SPRY3: variants seen among roughly 807,000 people sequenced by gnomAD.
SPRY3 encodes sprouty RTK signaling antagonist 3.
Under a neutral mutation model 20.2 loss-of-function variants are expected in SPRY3, and 15 were observed. That is an observed-to-expected ratio of 0.74 (90% CI 0.50 to 1.14). The LOEUF (loss-of-function observed/expected upper bound fraction) is 1.14, where lower values mean the gene tolerates loss of function less well. SPRY3 is among the 50% of genes most tolerant of loss of function. The pLI is 0.00. For synonymous variants in SPRY3, 143 were observed against 136.5 expected, an observed-to-expected ratio of 1.05 and a Z score of -0.33; for missense variants, 364 against 363.9, an observed-to-expected ratio of 1.00 and a Z score of 0.00.
chrX:155,698,337 A>G (rs750532436), intron 2 of SPRY3, among the ~76,000 whole-genome samples: 1 of 111,852 alleles, frequency 8.9e-6, no homozygotes, highest in Non-Finnish European at 1.9e-5. Flanking sequence ...GGCAAACCAC[A>G]TAAAAAATGG....
chrX:155,638,166 A>G (rs2067929492), intron 1 of SPRY3, among the ~76,000 whole-genome samples: 1 of 102,883 alleles, frequency 9.7e-6, no homozygotes, highest in African/African-American at 3.6e-5. Context: ...TATTGAAAAG[A>G]TCACCCAGCT....
downstream of SPRY3, chrX:155,779,314 G>T (rs762380707): frequency 9.0e-5 from 15 of 167,022 alleles, no homozygotes; most frequent in African/African-American, 2.4e-4. Flanking sequence ...TGCTACACTA[G>T]GGTGGTGCTT....
At chrX:155,647,727 T>A (rs2067962455) in intron 1 of SPRY3, among the ~76,000 whole-genome samples, 1 of 112,217 alleles carries the variant, frequency 8.9e-6, no homozygotes, top group African/African-American at 3.2e-5. Context: ...TTGGGTTGGT[T>A]CCAAGTCTTT....
At chrX:155,632,247 G>GCACACACA in intron 1 of SPRY3, among the ~76,000 whole-genome samples, 1 of 40,123 alleles carries the variant, frequency 2.5e-5, no homozygotes, top group South Asian at 1.2e-3. Flanking sequence ...ACACACACAC[G>GCACACACA]CACACACACA....
intron 2 of SPRY3, among the ~76,000 whole-genome samples, chrX:155,698,555 AT>A (rs991586789): frequency 9.0e-6 from 1 of 111,656 alleles, no homozygotes; most frequent in African/African-American, 3.3e-5. Context: ...TAACCAGTAT[AT>A]TTTTTTCATT....
intron 2 of SPRY3, among the ~76,000 whole-genome samples, chrX:155,727,612 C>G (rs1376100389): frequency 6.6e-6 from 1 of 152,038 alleles, no homozygotes; most frequent in Non-Finnish European, 1.5e-5. Flanking sequence ...TTTGTGCATT[C>G]CTCACGAAGT....
intron 3 of SPRY3, among the ~76,000 whole-genome samples, chrX:155,769,771 A>T (rs2091369915): frequency 6.6e-6 from 1 of 152,196 alleles, no homozygotes; most frequent in Non-Finnish European, 1.5e-5. Flanking sequence ...CTAGGGTAGC[A>T]AAGTGACAAG....
At chrX:155,624,560 C>CT (rs76755175) in intron 1 of SPRY3, among the ~76,000 whole-genome samples, 9 of 97,024 alleles carry the variant, frequency 9.3e-5, no homozygotes, top group Non-Finnish European at 1.9e-4. Flanking sequence ...ATCTATCTAT[C>CT]ATCTATCATC....
At chrX:155,779,664 A>G (rs751905594), downstream of SPRY3, 7 of 167,188 alleles carry the variant, frequency 4.2e-5, no homozygotes, top group South Asian at 1.2e-3. Flanking sequence ...AAAACTGGTT[A>G]AGTCAATAAA....
At chrX:155,736,937 G>T (rs1343088606) in intron 2 of SPRY3, among the ~76,000 whole-genome samples, 1 of 151,896 alleles carries the variant, frequency 6.6e-6, no homozygotes, top group African/African-American at 2.4e-5. Flanking sequence ...CATATCTTCA[G>T]TTTCACTGAT....
At chrX:155,723,791 G>A (rs1467400055) in intron 2 of SPRY3, among the ~76,000 whole-genome samples, 1 of 152,080 alleles carries the variant, frequency 6.6e-6, no homozygotes, top group Non-Finnish European at 1.5e-5. Context: ...AGTTTAATTA[G>A]ATCCCATTTG....
intron 2 of SPRY3, among the ~76,000 whole-genome samples, chrX:155,698,873 A>C (rs1288560073): frequency 8.9e-6 from 1 of 111,933 alleles, no homozygotes; most frequent in Non-Finnish European, 1.9e-5. Flanking sequence ...AATGGTGTAG[A>C]GATTTCCCCA....
chrX:155,669,461 A>G (rs1170778705), intron 2 of SPRY3, among the ~76,000 whole-genome samples: 2 of 111,141 alleles, frequency 1.8e-5, no homozygotes, highest in Non-Finnish European at 3.8e-5. Flanking sequence ...TTCTGTGAGT[A>G]TAGTATAATT....
At chrX:155,755,868 G>C (rs898580864) in intron 2 of SPRY3, among the ~76,000 whole-genome samples, 1 of 151,978 alleles carries the variant, frequency 6.6e-6, no homozygotes, top group Non-Finnish European at 1.5e-5. Context: ...AAGCAGAGAA[G>C]ACAAATAGAA....
intron 2 of SPRY3, among the ~76,000 whole-genome samples, chrX:155,758,369 C>G (rs1389993549): frequency 6.6e-6 from 1 of 152,164 alleles, no homozygotes; most frequent in African/African-American, 2.4e-5. Flanking sequence ...CTACATAGAA[C>G]CACTTTGTCC....
chrX:155,620,822 T>C (rs1452560325), intron 1 of SPRY3, among the ~76,000 whole-genome samples: 2 of 111,902 alleles, frequency 1.8e-5, no homozygotes, highest in East Asian at 5.6e-4. Flanking sequence ...CATTTAACTA[T>C]ATATAAACTA....
chrX:155,773,832 C>A, exon 4 of SPRY3: 1 of 1,590,260 alleles, frequency 6.3e-7, no homozygotes, highest in South Asian at 1.2e-5. Context: ...TAAGTGCCAC[C>A]CTGACTTAAA....
At chrX:155,644,852 C>A (rs1436536851) in intron 1 of SPRY3, among the ~76,000 whole-genome samples, 1 of 111,055 alleles carries the variant, frequency 9.0e-6, no homozygotes, top group Admixed American at 9.6e-5. Context: ...GAACTGATAC[C>A]TAAGGTGCAA....
intron 1 of SPRY3, among the ~76,000 whole-genome samples, chrX:155,648,216 T>A (rs1557352034): frequency 8.9e-6 from 1 of 112,654 alleles, no homozygotes; most frequent in African/African-American, 3.2e-5. Context: ...GTCAGATGGA[T>A]AGATTGCAAA....
Sources: allele counts gnomAD v4.1 joint callset (sites outside exome capture counted in the v4.1 genomes callset), GRCh38; gene constraint gnomAD v4.1.1; transcripts MANE v1.5; gene names NCBI Gene and HGNC (gene_info 2026-07-23, HGNC 2026-07-21).